RNF220: variants seen among roughly 807,000 people sequenced by gnomAD.
RNF220 encodes ring finger protein 220.
A neutral mutation model predicts 67.1 loss-of-function variants in RNF220; 7 were observed. That is an observed-to-expected ratio of 0.10 (90% CI 0.06 to 0.20). RNF220 has a LOEUF of 0.20. RNF220 is among the 10% of genes least tolerant of loss of function. The pLI is 1.00. For synonymous variants in RNF220, 270 were observed against 283.2 expected (o/e 0.95, Z 0.47); for missense variants, 565 against 740.3 (o/e 0.76, Z 2.75).
intron 2 of RNF220, among the ~76,000 whole-genome samples, chr1:44,502,157 T>TCTCTCACA (rs1347212539): frequency 6.9e-6 from 1 of 144,072 alleles, no homozygotes; most frequent in African/African-American, 2.6e-5. Flanking sequence ...TCTCTCTCTC[T>TCTCTCACA]CACACACACA....
chr1:44,622,466 C>G lies in RNF220; in HGVS notation c.759-276C>G, dbSNP rs534323771. Among the ~76,000 whole-genome samples, 45 of 152,300 alleles carry G rather than the reference C, an allele frequency of 3.0e-4. No individual in the cohort carries two copies. Among genetic ancestry groups the G allele is most frequent in the South Asian group, 2.9e-3 (14 of 4,820 alleles). ...TGATACGAGGAGTCAGGTAAAGCCC[C>G]TTTCTTCAGATCCACTGGGAAATCT... On this transcript the variant is annotated intron_variant, in intron 3 of 14. Coordinates refer to ENST00000361799, the MANE Select transcript of RNF220 (RefSeq NM_018150.4). This position sits in a 1 kb window ranked among gnomAD's most constrained non-coding sequence, Gnocchi z 4.3.
chr1:44,562,509 T>G (rs960091825), intron 2 of RNF220, among the ~76,000 whole-genome samples: 1 of 152,222 alleles, frequency 6.6e-6, no homozygotes, highest in African/African-American at 2.4e-5. Flanking sequence ...TACGTCTCCC[T>G]GTCACTTTTA....
At chr1:44,563,483 A>AG (rs1663750224) in intron 2 of RNF220, among the ~76,000 whole-genome samples, 2 of 152,178 alleles carry the variant, frequency 1.3e-5, no homozygotes, top group South Asian at 4.1e-4. Flanking sequence ...GAACGGGAAG[A>AG]GGGAGAGCTG....
At position 44,549,305 on chromosome 1, in the gene RNF220, G is replaced by A. The variant is rs145915720; in HGVS notation, c.626-64860G>A. The stretch of plus-strand genomic sequence containing the variant: ...GCCCCAGTCCCTAGCACAATGCCTT[G>A]CATATAGGAGGCTCTCTGAACAATT... On this transcript the variant is annotated intron_variant, in intron 2 of 14. Coordinates refer to ENST00000361799, the MANE Select transcript of RNF220 (RefSeq NM_018150.4). 1.5e-3 allele frequency among the ~76,000 whole-genome samples: 224 copies of A among 152,318 alleles called. 1 individual carries two copies. The highest frequency in any genetic ancestry group is 2.3e-3 in the Non-Finnish European group (154 of 68,024).
chr1:44,407,254 A>C (rs1313882005), intron 1 of RNF220, among the ~76,000 whole-genome samples: 1 of 151,662 alleles, frequency 6.6e-6, no homozygotes, highest in Non-Finnish European at 1.5e-5. Flanking sequence ...TCCGCTCCGG[A>C]CTCGGCTTGA....
At chr1:44,594,157 C>T (rs272527) in intron 2 of RNF220, among the ~76,000 whole-genome samples, 29,388 of 152,048 alleles carry the variant, frequency 0.19, 3,413 homozygotes, top group Middle Eastern at 0.26. Flanking sequence ...TGCAGGAATC[C>T]GCTTCTGCAC....
At chr1:44,632,040 C>T (rs1573122305) in intron 5 of RNF220, 3 of 1,079,474 alleles carry the variant, frequency 2.8e-6, no homozygotes, top group Non-Finnish European at 3.4e-6. Flanking sequence ...GGGAATCCGC[C>T]CGCATCGCCG....
intron 2 of RNF220, among the ~76,000 whole-genome samples, chr1:44,590,022 A>G (rs1400730563): frequency 2.0e-5 from 3 of 152,190 alleles, no homozygotes; most frequent in Admixed American, 2.0e-4. Context: ...TCATGGGCCC[A>G]AGGCAAAGCC....
intron 1 of RNF220, among the ~76,000 whole-genome samples, chr1:44,408,049 T>C (rs1391245874): frequency 6.6e-6 from 1 of 152,210 alleles, no homozygotes; most frequent in Non-Finnish European, 1.5e-5. Flanking sequence ...GAGTATTCTA[T>C]ATACAAAGGC....
At chr1:44,436,834 C>T (rs992818941) in intron 2 of RNF220, among the ~76,000 whole-genome samples, 1 of 152,112 alleles carries the variant, frequency 6.6e-6, no homozygotes, top group Non-Finnish European at 1.5e-5. Context: ...GACCCCAGAG[C>T]GCCCTCTCGT....
chr1:44,454,782 A>G (rs1653017518), intron 2 of RNF220, among the ~76,000 whole-genome samples: 1 of 152,136 alleles, frequency 6.6e-6, no homozygotes, highest in Admixed American at 6.5e-5. Flanking sequence ...ATCAGGGCAT[A>G]GAAGAGTCCT....
In RNF220 at chr1:44,632,359, G is replaced by A. The variant is rs1165687573; in HGVS notation, c.923G>A (p.Arg308Gln). The A allele has an allele frequency of 1.2e-6, 2 of 1,613,946 alleles. No individual in the cohort carries two copies. Among genetic ancestry groups the A allele is most frequent in the South Asian group, 1.1e-5 (1 of 91,074 alleles). The change falls in exon 6 of 15, where the codon CGA (arginine) becomes CAA (glutamine). Residue 308 changes from arginine to glutamine, a missense_variant. Coordinates refer to ENST00000361799, the MANE Select transcript of RNF220 (RefSeq NM_018150.4). The part of the protein sequence containing the change: ...SDRYQTFLRV[R>Q]ANRQTRLNAR... ...TTCTCCCAGACCTTTCTGCGAGTAC[G>A]AGCCAACCGGCAGACCCGACTGAAT...
chr1:44,563,518 C>T (rs1417109295), intron 2 of RNF220, among the ~76,000 whole-genome samples: 3 of 152,168 alleles, frequency 2.0e-5, no homozygotes, highest in Admixed American at 2.0e-4. Flanking sequence ...GTGGACTCCT[C>T]CCTCGTTCTT....
intron 2 of RNF220, among the ~76,000 whole-genome samples, chr1:44,540,636 C>G (rs1228480722): frequency 6.6e-6 from 1 of 152,306 alleles, no homozygotes. Context: ...GAGCTGATCA[C>G]TCCTGCAAAC....
intron 2 of RNF220, among the ~76,000 whole-genome samples, chr1:44,497,784 TAC>T: frequency 6.6e-6 from 1 of 152,196 alleles, no homozygotes; most frequent in African/African-American, 2.4e-5. Flanking sequence ...ATTGAGCACC[TAC>T]TATACTGCTG....
chr1:44,505,880 C>G (rs1166768930), intron 2 of RNF220, among the ~76,000 whole-genome samples: 1 of 152,064 alleles, frequency 6.6e-6, no homozygotes, highest in Non-Finnish European at 1.5e-5. Flanking sequence ...TCCCTCCAAT[C>G]CTCTCCGCTC....
At chr1:44,454,575 A>G (rs537161741) in intron 2 of RNF220, among the ~76,000 whole-genome samples, 1 of 149,388 alleles carries the variant, frequency 6.7e-6, no homozygotes, top group East Asian at 2.0e-4. Context: ...TTTAAAGAAC[A>G]TTTTTTGGTA....
In RNF220 at chr1:44,632,355, G is replaced by A. The variant is rs1195420286; in HGVS notation, c.919G>A (p.Val307Ile). Residue 307 changes from valine (V) to isoleucine (I), a missense_variant, in exon 6 of 15, where the codon GTA becomes ATA. Coordinates refer to ENST00000361799, the MANE Select transcript of RNF220 (RefSeq NM_018150.4). Reference protein sequence around the residue: ...HSDRYQTFLRVRANRQTRLNA... With the variant: ...HSDRYQTFLRIRANRQTRLNA... ...GATCTTCTCCCAGACCTTTCTGCGA[G>A]TACGAGCCAACCGGCAGACCCGACT... 6.2e-7 allele frequency: 1 copy of A among 1,614,008 alleles called. No individual in the cohort carries two copies. The highest frequency in any genetic ancestry group is 8.5e-7 in the Non-Finnish European group (1 of 1,180,006).
intron 2 of RNF220, among the ~76,000 whole-genome samples, chr1:44,577,084 A>G (rs1332690238): frequency 3.3e-5 from 5 of 152,208 alleles, no homozygotes; most frequent in Admixed American, 2.6e-4. Context: ...TCAAATAGTC[A>G]AGACAGTCTG....
Sources: gnomAD v4.1 joint callset for allele counts (sites outside exome capture counted in the v4.1 genomes callset) on GRCh38, gnomAD v4.1.1 for gene constraint, Gnocchi (gnomAD v3.1) non-coding constraint, MANE v1.5 for transcripts, NCBI Gene and HGNC (gene_info 2026-07-23, HGNC 2026-07-21) for gene names.